The following HMGCL variants were observed in gnomAD, a reference collection of about 807,000 sequenced individuals.
HMGCL encodes the protein 3-hydroxy-3-methylglutaryl-CoA lyase.
In HMGCL, 26 loss-of-function variants were observed where a neutral mutation model predicts 37.3. The observed-to-expected ratio is 0.70, with a 90% CI of 0.51 to 0.97. The LOEUF (loss-of-function observed/expected upper bound fraction) is 0.97. Ranked by LOEUF, HMGCL falls within the 50% of genes least tolerant of loss-of-function variation. The pLI, the probability that HMGCL is intolerant of heterozygous loss-of-function variation, is 0.00. For missense variants in HMGCL, 379 were observed against 398.1 expected (o/e 0.95, Z 0.41); for synonymous variants, 151 against 148.0 (o/e 1.02, Z -0.15).
intron 1 of HMGCL, 141 bp downstream of exon 1, chr1:23,825,204 AAGGGAGGGTCC>A: frequency 4.5e-6 from 3 of 668,372 alleles, no homozygotes; most frequent in Non-Finnish European, 5.3e-6. Flanking sequence ...TTGAGGGGAA[AAGGGAGGGTCC>A]AGGACTCCAA....
intron 1 of HMGCL, among the ~76,000 whole-genome samples, chr1:23,822,459 C>T (rs1356460233): frequency 6.6e-6 from 1 of 152,130 alleles, no homozygotes; most frequent in Non-Finnish European, 1.5e-5. Context: ...TTCAAATCAA[C>T]TTTGTTTTAC....
At chr1:23,814,379 T>A in intron 4 of HMGCL, 41 bp from the exon 5 acceptor site, 1 of 1,609,430 alleles carries the variant, frequency 6.2e-7, no homozygotes, top group South Asian at 1.1e-5. Context: ...ACTTTTCTCT[T>A]TTTTTGTTTG....
Position 23,808,251 on chromosome 1 carries a change from C to G in HMGCL, c.634G>C (p.Gly212Arg). Residue 212 changes from glycine to arginine, a missense_variant, in exon 7 of 9, where the codon GGG (glycine) becomes CGG (arginine). Coordinates refer to ENST00000374490, the MANE Select transcript of HMGCL (RefSeq NM_000191.3). The stretch of plus-strand genomic sequence containing the variant: ...GCAGATAGCATGTCTTTCATGATCC[C>G]TGGGGTGCCCACACCAATGGTGTCC... ...LGDTIGVGTPGIMKDMLSAVM... is the reference protein window; with the variant it reads ...LGDTIGVGTPRIMKDMLSAVM... 6.2e-7 allele frequency: 1 copy of G among 1,614,048 alleles called. No homozygotes were observed. The highest frequency in any genetic ancestry group is 8.5e-7 in the Non-Finnish European group (1 of 1,179,974).
intron 7 of HMGCL, among the ~76,000 whole-genome samples, chr1:23,805,829 C>T (rs544006508): frequency 9.8e-5 from 15 of 152,314 alleles, no homozygotes; most frequent in African/African-American, 2.6e-4. Context: ...TGCTGAGATC[C>T]GGTCACGCAC....
chr1:23,817,196 G>A (rs763947960), intron 3 of HMGCL, among the ~76,000 whole-genome samples: 32 of 152,220 alleles, frequency 2.1e-4, no homozygotes, highest in Non-Finnish European at 4.0e-4. Flanking sequence ...GACAGGCATA[G>A]AGGGTTTTAG....
intron 1 of HMGCL, 62 bp downstream of exon 1, chr1:23,825,294 C>A: frequency 2.9e-6 from 4 of 1,386,006 alleles, no homozygotes; most frequent in Non-Finnish European, 2.0e-6. Context: ...ACGGGCCAAG[C>A]CCCCAACCCT....
intron 1 of HMGCL, among the ~76,000 whole-genome samples, chr1:23,824,108 C>A (rs1054888740): frequency 7.9e-5 from 12 of 152,126 alleles, no homozygotes; most frequent in African/African-American, 2.9e-4. Context: ...AGAGAGGGTC[C>A]CCCTAACCAC....
rs147312680 is a variant in HMGCL, at chr1:23,819,748, C to T, written c.144+762G>A. ...CATCTCCCAAAAACACACACACACA[C>T]ACGCGCGCGTGCGTACGCGCACATG... On this transcript the variant is annotated intron_variant, in intron 2 of 8. Transcript: ENST00000374490. Among the ~76,000 whole-genome samples the T allele has an allele frequency of 6.8e-3, 1,039 of 152,250 alleles. 17 individuals carry two copies. Among genetic ancestry groups the T allele is most frequent in the African/African-American group, 0.023 (975 of 41,554 alleles).
At chr1:23,805,794 G>A (rs1301992681) in intron 7 of HMGCL, among the ~76,000 whole-genome samples, 2 of 152,030 alleles carry the variant, frequency 1.3e-5, no homozygotes, top group East Asian at 1.9e-4. Flanking sequence ...TAGATGTCTC[G>A]AGCTTCACAG....
intron 4 of HMGCL, among the ~76,000 whole-genome samples, chr1:23,814,734 T>C (rs769240757): frequency 1.2e-4 from 19 of 152,296 alleles, no homozygotes; most frequent in Non-Finnish European, 2.5e-4. Flanking sequence ...GTAAATTTTA[T>C]GTTATGTGAA....
intron 5 of HMGCL, among the ~76,000 whole-genome samples, chr1:23,813,488 G>A (rs1314546165): frequency 6.6e-6 from 1 of 151,330 alleles, no homozygotes; most frequent in Non-Finnish European, 1.5e-5. Context: ...GGCTGGTCTT[G>A]AACTCTTGAC....
chr1:23,816,593 G>GGACATCCCA (rs1638617417), intron 4 of HMGCL, 82 bp downstream of exon 4: 1 of 886,910 alleles, frequency 1.1e-6, no homozygotes. Flanking sequence ...CCCAGGACAG[G>GGACATCCCA]GGACTGAGGC....
Position 23,814,311 on chromosome 1 carries a change from T to C in HMGCL, c.376A>G (p.Ile126Val). The change falls in exon 5 of 9, where the codon ATC becomes GTC. Residue 126 changes from isoleucine to valine, a missense_variant. Ile to Val is a conservative substitution (Grantham distance 29). Coordinates refer to ENST00000374490, the MANE Select transcript of HMGCL (RefSeq NM_000191.3). ...AVAAGAKEVV[I>V]FGAASELFTK... Reference sequence around the variant, plus strand: ...AAGAGCTCTGAGGCAGCTCCAAAGATGACTACTTCCTTGGCTCCAGCAGCA... The same window carrying C: ...AAGAGCTCTGAGGCAGCTCCAAAGACGACTACTTCCTTGGCTCCAGCAGCA... 1.9e-6 allele frequency: 3 copies of C among 1,613,738 alleles called. No homozygotes were observed. The highest frequency in any genetic ancestry group is 2.5e-6 in the Non-Finnish European group (3 of 1,179,942).
chr1:23,825,052 T>C (rs1638791235), intron 1 of HMGCL, among the ~76,000 whole-genome samples: 1 of 152,118 alleles, frequency 6.6e-6, no homozygotes, highest in South Asian at 2.1e-4. Context: ...GAAGTTCAAT[T>C]AGAGGGAGAA....
intron 4 of HMGCL, among the ~76,000 whole-genome samples, chr1:23,815,274 C>A (rs190121300): frequency 1.3e-5 from 2 of 151,704 alleles, no homozygotes; most frequent in African/African-American, 4.8e-5. Flanking sequence ...CCTGGGAAAA[C>A]GGAGGCAAAG....
At chr1:23,822,009 G>A (rs1053282975) in intron 1 of HMGCL, among the ~76,000 whole-genome samples, 5 of 152,156 alleles carry the variant, frequency 3.3e-5, no homozygotes, top group African/African-American at 1.2e-4. Flanking sequence ...GATAAAGAAT[G>A]CCTACTCAAT....
intron 1 of HMGCL, 32 bp from the exon 2 acceptor site, chr1:23,820,625 A>C: frequency 6.8e-7 from 1 of 1,475,456 alleles, no homozygotes; most frequent in Non-Finnish European, 9.5e-7. Flanking sequence ...AAAAAGTATG[A>C]GGAAGAGATT....
At chr1:23,819,611 C>T (rs1638674791) in intron 2 of HMGCL, among the ~76,000 whole-genome samples, 1 of 152,190 alleles carries the variant, frequency 6.6e-6, no homozygotes, top group South Asian at 2.1e-4. Flanking sequence ...GGCCTGTAAT[C>T]CTAGCTATTC....
intron 2 of HMGCL, 77 bp downstream of exon 2, chr1:23,820,433 G>T (rs1410632671): frequency 2.0e-6 from 2 of 986,184 alleles, no homozygotes; most frequent in Non-Finnish European, 3.3e-6. Flanking sequence ...TCTGTCAACT[G>T]CCATTGCACC....
Sources: gnomAD v4.1 joint callset for allele counts (sites outside exome capture counted in the v4.1 genomes callset) on GRCh38, gnomAD v4.1.1 for gene constraint, MANE v1.5 for transcripts, NCBI Gene and HGNC (gene_info 2026-07-23, HGNC 2026-07-21) for gene names.